The following CCDC78 variants were observed in gnomAD, a reference collection of about 807,000 sequenced individuals.
CCDC78 encodes coiled-coil domain-containing protein 78.
In CCDC78, 78 loss-of-function variants were observed where a neutral mutation model predicts 61.9. The observed-to-expected ratio is 1.26, with a 90% CI of 1.05 to 1.52. The LOEUF (loss-of-function observed/expected upper bound fraction) is 1.52, where lower values mean the gene tolerates loss of function less well. Ranked by LOEUF, CCDC78 falls within the 40% of genes most tolerant of loss-of-function variation. The pLI is 0.00. For missense variants in CCDC78, 737 were observed against 615.5 expected (o/e 1.20, Z -2.09); for synonymous variants, 287 against 251.9 (o/e 1.14, Z -1.32).
chr16:725,388 A>G, intron 4 of CCDC78, 25 bp downstream of exon 4: 2 of 1,611,976 alleles, frequency 1.2e-6, no homozygotes, highest in East Asian at 2.2e-5. Flanking sequence ...TTTCCCAGCC[A>G]GGCTCTCCAT....
In CCDC78 at chr16:726,054, C is replaced by T; in HGVS notation, c.92G>A (p.Gly31Glu). 7 of 1,548,724 alleles carry T rather than the reference C, an allele frequency of 4.5e-6. No homozygotes were observed. Among genetic ancestry groups the T allele is most frequent in the Non-Finnish European group, 5.2e-6 (6 of 1,146,708 alleles). Residue 31 changes from glycine to glutamate, a missense_variant, in exon 2 of 14, where the codon GGA (glycine) becomes GAA (glutamate). Physicochemically the swap from Gly to Glu is moderately conservative, Grantham distance 98 (BLOSUM62 -2). Coordinates refer to ENST00000345165, the MANE Select transcript of CCDC78 (RefSeq NM_001378030.1). ...CCACACTGCGGTGCCCCCAGGAGCTCCTGGCAGCCAGTCCTTGGCTCGTAG... is the reference window on the plus strand; with the variant it reads ...CCACACTGCGGTGCCCCCAGGAGCTTCTGGCAGCCAGTCCTTGGCTCGTAG... ...VVLRAKDWLPGAPGGTAVWAT... is the reference protein window; with the variant it reads ...VVLRAKDWLPEAPGGTAVWAT...
intron 8 of CCDC78, 60 bp downstream of exon 8, chr16:724,621 C>G: frequency 1.3e-6 from 2 of 1,584,024 alleles, no homozygotes; most frequent in Admixed American, 3.5e-5. Context: ...CTGAAGCTAT[C>G]CAGCACACCC....
At chr16:725,939 A>T in intron 2 of CCDC78, 27 bp downstream of exon 2, 3 of 1,572,332 alleles carry the variant, frequency 1.9e-6, no homozygotes, top group Non-Finnish European at 2.6e-6. Flanking sequence ...CTCCCTCCTC[A>T]CGAGCACGCT....
At position 725,107 on chromosome 16, in the gene CCDC78, C is replaced by T. The variant is rs764733827; in HGVS notation, c.531G>A (p.Glu177=). Residue 177 remains glutamate, a synonymous_variant, in exon 6 of 14, where the codon GAG becomes GAA. Coordinates refer to ENST00000345165, the MANE Select transcript of CCDC78 (RefSeq NM_001378030.1). ...GCGTCACCAGTGCCTGCTGCCGGGC[C>T]TCCTGATGCTCCAGCGCCCACTTCA... ...GEVKWALEHQ[E]ARQQALVTRV... 5 of 1,612,814 alleles carry T rather than the reference C, an allele frequency of 3.1e-6. No individual in the cohort carries two copies. Among genetic ancestry groups the T allele is most frequent in the Non-Finnish European group, 3.4e-6 (4 of 1,179,976 alleles).
rs769294244 is a variant in CCDC78 at position 725,008 on chromosome 16, G to C, written c.561-19C>G. ...GGTTGCCCTGAAGACACGGGGGTGA[G>C]GCTCAGCAGGCCCACGATCAGGGGT... is the stretch of plus-strand genomic sequence containing the variant. On this transcript the variant is annotated intron_variant, in intron 6 of 13. Coordinates refer to ENST00000345165, the MANE Select transcript of CCDC78 (RefSeq NM_001378030.1). 8 of 1,612,324 alleles carry C rather than the reference G, an allele frequency of 5.0e-6. No individual in the cohort carries two copies. The highest frequency in any genetic ancestry group is 6.8e-6 in the Non-Finnish European group (8 of 1,179,698).
In CCDC78 at chr16:723,179, A is replaced by C. The variant is rs749603767; in HGVS notation, c.1134-18T>G. On this transcript the variant is annotated intron_variant, in intron 11 of 13. Coordinates refer to ENST00000345165, the MANE Select transcript of CCDC78 (RefSeq NM_001378030.1). ...CCAGGCCCCTGTGAGGGGAGAGGAA[A>C]GGAGGAGTGGTTTTGAGAGCTGGCA... 10 of 1,611,910 alleles carry C rather than the reference A, an allele frequency of 6.2e-6. No homozygotes were observed. The South Asian group carries it at 1.1e-4, about 18-fold the overall frequency.
In CCDC78 at chr16:724,925, C is replaced by A; in HGVS notation, c.625G>T (p.Ala209Ser). The change falls in exon 7 of 14, where the codon GCC (alanine) becomes TCC (serine). Residue 209 changes from alanine (A) to serine (S), a missense_variant. Transcript: ENST00000345165. ...CAGAGCCTCACCACAGCCTGTGTGG[C>A]CAGTCGCTGCCCGGCTGCCCTGGCC... ...EEARAAGQRL[A>S]TQAVVLCSCQ... 6.2e-7 allele frequency: 1 copy of A among 1,604,646 alleles called. No individual in the cohort carries two copies. Among genetic ancestry groups the A allele is most frequent in the Non-Finnish European group, 8.5e-7 (1 of 1,176,354 alleles).
rs1329632146 is a variant in CCDC78 at position 725,491 on chromosome 16, G to A, written c.357C>T (p.Pro119=). 6.2e-7 allele frequency: 1 copy of A among 1,612,580 alleles called. No homozygotes were observed. The highest frequency in any genetic ancestry group is 8.5e-7 in the Non-Finnish European group (1 of 1,180,002). Residue 119 remains proline (P), a synonymous_variant, in exon 4 of 14, where the codon CCC becomes CCT. Coordinates refer to ENST00000345165, the MANE Select transcript of CCDC78 (RefSeq NM_001378030.1). ...QGCAVPVESD[P]RHPRAAAQEL... ...CTTGGGCTGCTGCCCGGGGATGCCT[G>A]GGGTCAGACTCCACTGGGACTGCAC... is the stretch of plus-strand genomic sequence containing the variant.
At chr16:726,213 A>G (rs1399718422) in intron 1 of CCDC78, 95 bp downstream of exon 1, 1 of 1,550,136 alleles carries the variant, frequency 6.5e-7, no homozygotes, top group African/African-American at 1.4e-5. Flanking sequence ...GGCTGAAATT[A>G]GGCCCAGGGT....
chr16:725,236 C>G lies in CCDC78; in HGVS notation c.492+1G>C. Reference sequence around the variant, plus strand: ...CCTGAGCTAGGTGGCTGCACACTCACGCCGCTCCCCAGCCTGTGCTGCTCA... The same window carrying G: ...CCTGAGCTAGGTGGCTGCACACTCAGGCCGCTCCCCAGCCTGTGCTGCTCA... On this transcript the variant is annotated splice_donor_variant, in intron 5 of 13. Transcript: ENST00000345165. LOFTEE classifies it high-confidence loss of function. The G allele has an allele frequency of 6.2e-7, 1 of 1,608,404 alleles. No homozygotes were observed. Among genetic ancestry groups the G allele is most frequent in the South Asian group, 1.1e-5 (1 of 91,082 alleles).
rs768853325 is a variant in CCDC78, at chr16:722,940, A to T, written c.1283T>A (p.Val428Glu). 3.1e-6 allele frequency: 5 copies of T among 1,612,260 alleles called. No individual in the cohort carries two copies. The South Asian group carries it at 5.5e-5, about 18-fold the overall frequency. Reference protein sequence around the residue: ...EEQLSELQEYVDQHLGRYKHE... With the variant: ...EEQLSELQEYEDQHLGRYKHE... ...TGCCCACCTGCCCAGGTGCTGGTCC[A>T]CGTACTCCTGTAGCTCAGAAAGTTG... The change falls in exon 13 of 14, where the codon GTG becomes GAG. Residue 428 changes from valine to glutamate, a missense_variant. Val to Glu is a moderately radical substitution (Grantham distance 121). Coordinates refer to ENST00000345165, the MANE Select transcript of CCDC78 (RefSeq NM_001378030.1).
chr16:724,276 T>G, intron 9 of CCDC78, 46 bp downstream of exon 9: 1 of 1,597,768 alleles, frequency 6.3e-7, no homozygotes. Flanking sequence ...CACAGAGGCT[T>G]AGAGACCCAC....
At position 722,945 on chromosome 16, in the gene CCDC78, C is replaced by A. The variant is rs773837439; in HGVS notation, c.1278G>T (p.Glu426Asp). 2.5e-6 allele frequency: 4 copies of A among 1,612,360 alleles called. No individual in the cohort carries two copies. Among genetic ancestry groups the A allele is most frequent in the Non-Finnish European group, 2.5e-6 (3 of 1,180,000 alleles). ...ACCTGCCCAGGTGCTGGTCCACGTA[C>A]TCCTGTAGCTCAGAAAGTTGCTCTT... ...MAEEQLSELQ[E>D]YVDQHLGRYK... The change falls in exon 13 of 14, where the codon GAG becomes GAT. Residue 426 changes from glutamate (E) to aspartate (D), a missense_variant. Coordinates refer to ENST00000345165, the MANE Select transcript of CCDC78 (RefSeq NM_001378030.1).
At position 726,393 on chromosome 16, in the gene CCDC78, G is replaced by T; in HGVS notation, c.-26C>A. 6.6e-7 allele frequency: 1 copy of T among 1,516,298 alleles called. No homozygotes were observed. 93.9% of individuals were successfully genotyped at this position (1,516,298 alleles called of 1,614,324 possible). A position where few individuals can be genotyped will look rare whatever the true frequency, so the allele number is the denominator to read the frequency against. ...AGGCTAGGGAACCCTGGCCAGCTCCGAGCCCGGTGCTGCCTCCACGCCCGG... is the reference window on the plus strand; with the variant it reads ...AGGCTAGGGAACCCTGGCCAGCTCCTAGCCCGGTGCTGCCTCCACGCCCGG... On this transcript the variant is annotated 5_prime_UTR_variant, in exon 1 of 14. An upstream open reading frame in the 5' UTR gains an earlier in-frame stop. Transcript: ENST00000345165.
At chr16:725,207 C>T (rs2046997265) in intron 5 of CCDC78, 30 bp downstream of exon 5, 2 of 1,610,514 alleles carry the variant, frequency 1.2e-6, no homozygotes, top group Admixed American at 1.7e-5. Flanking sequence ...GTGCTGCCCT[C>T]TCCCCTGAGC....
At chr16:726,747 G>T, upstream of CCDC78, 1 of 333,502 alleles carries the variant, frequency 3.0e-6, no homozygotes, top group East Asian at 7.1e-5. Context: ...GTACCTAGCA[G>T]TGCTGGCTGA....
chr16:723,998 C>G, intron 10 of CCDC78, 62 bp from the exon 11 acceptor site: 1 of 1,408,910 alleles, frequency 7.1e-7, no homozygotes, highest in Non-Finnish European at 9.7e-7. Flanking sequence ...CTCAGAGGCC[C>G]GGGGCTGAGG....
Position 723,885 on chromosome 16 carries a change from C to G in CCDC78, c.1105G>C (p.Ala369Pro). 1.3e-6 allele frequency: 2 copies of G among 1,598,214 alleles called. No individual in the cohort carries two copies. Among genetic ancestry groups the G allele is most frequent in the South Asian group, 2.3e-5 (2 of 88,718 alleles). ...LSSPKKRPGG[A>P]SQGGTSEPQG... Reference sequence around the variant, plus strand: ...GGCTCTGATGTTCCCCCCTGGGAGGCTCCACCGGGTCTCTTTTTTGGGGAT... The same window carrying G: ...GGCTCTGATGTTCCCCCCTGGGAGGGTCCACCGGGTCTCTTTTTTGGGGAT... Residue 369 changes from alanine (A) to proline (P), a missense_variant, in exon 11 of 14, where the codon GCC (alanine) becomes CCC (proline). By Grantham distance (27) the Ala-to-Pro change is conservative (BLOSUM62 -1). Transcript: ENST00000345165.
Position 722,694 on chromosome 16 carries a change from C to A in CCDC78, c.1397G>T (p.Arg466Met). ...GGAGACGGCCTAGTGGCTGCCGGTC[C>A]TTGGATGCTGGGGCTTGGCTGGAGG... Reference protein sequence around the residue: ...AVPPAKPQHPRTGSH With the variant: ...AVPPAKPQHPMTGSH The change falls in exon 14 of 14, where the codon AGG (arginine) becomes ATG (methionine). Residue 466 changes from arginine to methionine, a missense_variant. Arg to Met is a moderately conservative substitution (Grantham distance 91). Transcript: ENST00000345165. 6.2e-7 allele frequency: 1 copy of A among 1,608,292 alleles called. No homozygotes were observed. Among genetic ancestry groups the A allele is most frequent in the Non-Finnish European group, 8.5e-7 (1 of 1,179,850 alleles).
Sources: allele counts gnomAD v4.1 joint callset, GRCh38; gene constraint gnomAD v4.1.1; transcripts MANE v1.5; gene names NCBI Gene and HGNC (gene_info 2026-07-23, HGNC 2026-07-21).